Variants in ZNF79 observed in about 807,000 individuals in gnomAD.
ZNF79 encodes zinc finger protein 79, also known as ZNFpT7.
In ZNF79, 13 loss-of-function variants were observed where a neutral mutation model predicts 14.9. That is an observed-to-expected ratio of 0.87 (90% CI 0.57 to 1.38). ZNF79 has a LOEUF of 1.38. Ranked by LOEUF, ZNF79 falls within the 40% of genes most tolerant of loss-of-function variation. The pLI is 0.00. For synonymous variants in ZNF79, 223 were observed against 235.1 expected (o/e 0.95, Z 0.47); for missense variants, 631 against 630.6 (o/e 1.00, Z -0.01).
At chr9:127,433,494 T>C (rs1305016937) in intron 2 of ZNF79, among the ~76,000 whole-genome samples, 1 of 152,098 alleles carries the variant, frequency 6.6e-6, no homozygotes, top group Non-Finnish European at 1.5e-5. Context: ...CCGTGTGTTA[T>C]CTCCTGATTC....
intron 2 of ZNF79, among the ~76,000 whole-genome samples, chr9:127,433,800 G>C (rs1201825514): frequency 6.6e-6 from 1 of 152,146 alleles, no homozygotes; most frequent in African/African-American, 2.4e-5. Flanking sequence ...ACTGTCATCT[G>C]TCTGCTCTTC....
At chr9:127,426,804 T>A (rs1246098618) in intron 1 of ZNF79, among the ~76,000 whole-genome samples, 2 of 152,204 alleles carry the variant, frequency 1.3e-5, no homozygotes, top group African/African-American at 4.8e-5. Flanking sequence ...TGATTTCTCT[T>A]GGGCATATAC....
At chr9:127,432,151 A>ATTTTT (rs34862357) in intron 2 of ZNF79, among the ~76,000 whole-genome samples, 2 of 134,016 alleles carry the variant, frequency 1.5e-5, no homozygotes, top group Admixed American at 7.9e-5. Flanking sequence ...TTATTTTTAA[A>ATTTTT]TTTTTTTTTT....
In ZNF79 at chr9:127,444,622, A is replaced by T. The variant is rs1371337386; in HGVS notation, c.922A>T (p.Ser308Cys). 3.0e-5 allele frequency: 48 copies of T among 1,614,040 alleles called. No individual in the cohort carries two copies. Among genetic ancestry groups the T allele is most frequent in the Non-Finnish European group, 4.0e-5 (47 of 1,180,032 alleles). The change falls in exon 5 of 5, where the codon AGC (serine) becomes TGC (cysteine). Residue 308 changes from serine (S) to cysteine (C), a missense_variant. Transcript: ENST00000342483. Reference sequence around the variant, plus strand: ...TACCGGAGAGAAGCCCTACGAATGCAGCGACTGTGGGAAGGCCTTCCGTCA... The same window carrying T: ...TACCGGAGAGAAGCCCTACGAATGCTGCGACTGTGGGAAGGCCTTCCGTCA... ...IHTGEKPYEC[S>C]DCGKAFRHSA...
intron 2 of ZNF79, among the ~76,000 whole-genome samples, chr9:127,431,911 G>A (rs1483434577): frequency 6.6e-6 from 1 of 151,926 alleles, no homozygotes; most frequent in East Asian, 1.9e-4. Context: ...CTTTATTTCC[G>A]GGTTCTCCTT....
In ZNF79 at chr9:127,424,820, G is replaced by C. The variant is rs1198904448; in HGVS notation, c.16+17G>C. 3.1e-6 allele frequency: 5 copies of C among 1,613,720 alleles called. No individual in the cohort carries two copies. The highest frequency in any genetic ancestry group is 1.3e-5 in the African/African-American group (1 of 74,910). The stretch of plus-strand genomic sequence containing the variant: ...AGGAAGGAGGTGAGGAGTGGTAGAG[G>C]GAGCGATTGTCAAGAGATCGGCTGC... On this transcript the variant is annotated intron_variant, in intron 1 of 4. Transcript: ENST00000342483.
At chr9:127,430,356 G>A (rs1833838747) in intron 2 of ZNF79, among the ~76,000 whole-genome samples, 1 of 152,128 alleles carries the variant, frequency 6.6e-6, no homozygotes, top group Non-Finnish European at 1.5e-5. Context: ...TACAGATGAT[G>A]TACCATCACT....
rs753187137 is a variant in ZNF79, at chr9:127,428,840, T to A, written c.25T>A (p.Ser9Thr). The A allele has an allele frequency of 6.2e-7, 1 of 1,601,784 alleles. No homozygotes were observed. The highest frequency in any genetic ancestry group is 8.5e-7 in the Non-Finnish European group (1 of 1,173,920). Residue 9 changes from serine to threonine, a missense_variant, in exon 2 of 5, where the codon TCC becomes ACC. By Grantham distance (58) the Ser-to-Thr change is moderately conservative. Coordinates refer to ENST00000342483, the MANE Select transcript of ZNF79 (RefSeq NM_007135.3). ...TTTTTCTCTTTCTCTAGTACTGCCT[T>A]CCCCAGGCCCTGCCCTTCCCCAAGA... Reference protein sequence around the residue: MLEEGVLPSPGPALPQEEN... With the variant: MLEEGVLPTPGPALPQEEN...
At chr9:127,429,002 A>C in intron 2 of ZNF79, 82 bp downstream of exon 2, 1 of 954,032 alleles carries the variant, frequency 1.0e-6, no homozygotes, top group Non-Finnish European at 1.5e-6. Context: ...TTTTGTTGTC[A>C]TTGTTTGTTT....
chr9:127,425,674 C>T (rs1211928682), intron 1 of ZNF79, among the ~76,000 whole-genome samples: 1 of 152,182 alleles, frequency 6.6e-6, no homozygotes, highest in Non-Finnish European at 1.5e-5. Context: ...CTCACTGCAA[C>T]CTCCGCCTCC....
intron 2 of ZNF79, among the ~76,000 whole-genome samples, chr9:127,433,022 TC>T (rs1554749443): frequency 2.0e-5 from 3 of 152,206 alleles, no homozygotes; most frequent in Non-Finnish European, 4.4e-5. Flanking sequence ...CCGCAGGTGA[TC>T]CACCTGCTTT....
In ZNF79 at chr9:127,424,555, A is replaced by G. The variant is rs1348099064; in HGVS notation, c.-233A>G. 5.6e-6 allele frequency: 3 copies of G among 532,916 alleles called. No homozygotes were observed. Among genetic ancestry groups the G allele is most frequent in the Non-Finnish European group, 1.0e-5 (3 of 298,148 alleles). 33.0% of individuals were successfully genotyped at this position (532,916 alleles called of 1,614,324 possible). A position where few individuals can be genotyped will look rare whatever the true frequency, so the allele number is the denominator to read the frequency against. On this transcript the variant is annotated 5_prime_UTR_variant, in exon 1 of 5. Coordinates refer to ENST00000342483, the MANE Select transcript of ZNF79 (RefSeq NM_007135.3). ...CCGGGTTCTGCTTGAGGCCGAGCCA[A>G]AGAGTGGCTGTGACTCGGGAGACGG...
rs748691268 is a variant in ZNF79 at position 127,444,688 on chromosome 9, G to A, written c.988G>A (p.Glu330Lys). 6.2e-7 allele frequency: 1 copy of A among 1,613,942 alleles called. No homozygotes were observed. Among genetic ancestry groups the A allele is most frequent in the East Asian group, 2.2e-5 (1 of 44,880 alleles). The change falls in exon 5 of 5, where the codon GAG becomes AAG. Residue 330 changes from glutamate (E) to lysine (K), a missense_variant. Coordinates refer to ENST00000342483, the MANE Select transcript of ZNF79 (RefSeq NM_007135.3). ...GAACCATCAGAGGACTCACACCGGG[G>A]AGAAGCCCTACAAGTGCAGCGAGTG... ...LTNHQRTHTG[E>K]KPYKCSECGK...
At chr9:127,440,089 C>T (rs963565364) in intron 4 of ZNF79, among the ~76,000 whole-genome samples, 47 of 152,168 alleles carry the variant, frequency 3.1e-4, no homozygotes, top group Non-Finnish European at 8.8e-5. Flanking sequence ...GTCTCGATCT[C>T]CTGACCTCGT....
chr9:127,428,613 A>T, intron 1 of ZNF79: 1 of 1,166,750 alleles, frequency 8.6e-7, no homozygotes, highest in Non-Finnish European at 1.1e-6. Flanking sequence ...GTGGTGGATC[A>T]TGGATACTTG....
chr9:127,441,417 A>G (rs918622671), intron 4 of ZNF79, among the ~76,000 whole-genome samples: 4 of 152,212 alleles, frequency 2.6e-5, no homozygotes, highest in African/African-American at 9.7e-5. Flanking sequence ...GATAAATCCA[A>G]GGTTTCAAAA....
chr9:127,429,578 G>T (rs749535029), intron 2 of ZNF79, among the ~76,000 whole-genome samples: 1 of 151,006 alleles, frequency 6.6e-6, no homozygotes, highest in Non-Finnish European at 1.5e-5. Context: ...CTATCCTCCA[G>T]CCTTTGCCTC....
intron 1 of ZNF79, chr9:127,428,544 T>G: frequency 4.1e-6 from 2 of 485,958 alleles, no homozygotes; most frequent in Non-Finnish European, 5.6e-6. Flanking sequence ...ATCATCCCCA[T>G]TTTGCAGATG....
intron 2 of ZNF79, among the ~76,000 whole-genome samples, chr9:127,431,743 G>T (rs143592021): frequency 2.3e-3 from 354 of 152,236 alleles, no homozygotes; most frequent in African/African-American, 8.1e-3. Context: ...AATCTATCTT[G>T]AGTTAATTTT....
Sources: allele counts gnomAD v4.1 joint callset (sites outside exome capture counted in the v4.1 genomes callset), GRCh38; gene constraint gnomAD v4.1.1; transcripts MANE v1.5; gene names NCBI Gene and HGNC (gene_info 2026-07-23, HGNC 2026-07-21).